Variants in DENND2B observed in about 807,000 individuals in gnomAD.
The protein encoded by DENND2B is DENN domain containing 2B, also known as DENN domain-containing protein 2B.
DENND2B carries 32 observed loss-of-function variants against 116.0 expected under a neutral mutation model. The ratio of observed to expected loss-of-function variants is 0.28; its 90% confidence interval spans 0.21 to 0.37. The LOEUF is 0.37. DENND2B is among the 10% of genes least tolerant of loss of function. The pLI, the probability that DENND2B is intolerant of heterozygous loss-of-function variation, is 1.00. For synonymous variants in DENND2B, 588 were observed against 583.9 expected (o/e 1.01, Z -0.10); for missense variants, 1,276 against 1,477.7 (o/e 0.86, Z 2.24).
chr11:8,775,476 A>G (rs1274990843), intron 1 of DENND2B, among the ~76,000 whole-genome samples: 2 of 152,052 alleles, frequency 1.3e-5, no homozygotes, highest in Non-Finnish European at 2.9e-5. Context: ...TAACCCCTCA[A>G]AGCCACTAAT....
chr11:8,890,650 G>C (rs2064019992), intron 1 of DENND2B, among the ~76,000 whole-genome samples: 1 of 152,124 alleles, frequency 6.6e-6, no homozygotes, highest in Non-Finnish European at 1.5e-5. Context: ...AGTGATTGAA[G>C]ATCAAATTAA....
intron 1 of DENND2B, among the ~76,000 whole-genome samples, chr11:8,897,255 T>TCAAA (rs1047669575): frequency 6.6e-6 from 1 of 152,082 alleles, no homozygotes; most frequent in African/African-American, 2.4e-5. Context: ...CGACACCATC[T>TCAAA]CAAACAAACA....
At chr11:8,763,821 T>C (rs928891955) in intron 1 of DENND2B, among the ~76,000 whole-genome samples, 7 of 152,070 alleles carry the variant, frequency 4.6e-5, no homozygotes, top group Non-Finnish European at 8.8e-5. Flanking sequence ...TGGATACATA[T>C]ATACATTCAT....
At chr11:8,903,148 A>G (rs1382738993) in intron 1 of DENND2B, among the ~76,000 whole-genome samples, 1 of 152,168 alleles carries the variant, frequency 6.6e-6, no homozygotes, top group Non-Finnish European at 1.5e-5. Flanking sequence ...ATGAGCCACC[A>G]CACCTGGCCA....
At chr11:8,814,018 A>G (rs1594070038), upstream of DENND2B, among the ~76,000 whole-genome samples, 3 of 152,158 alleles carry the variant, frequency 2.0e-5, no homozygotes, top group Non-Finnish European at 2.9e-5. Context: ...TCTGCTGTCT[A>G]CTGAGAGGCC....
intron 11 of DENND2B, 93 bp downstream of exon 11, chr11:8,710,752 G>A (rs1234238559): frequency 6.2e-6 from 6 of 970,078 alleles, no homozygotes; most frequent in Non-Finnish European, 8.6e-6. Context: ...ATTGCAGAAG[G>A]GCACACACAC....
intron 1 of DENND2B, among the ~76,000 whole-genome samples, chr11:8,789,002 T>A (rs2134315009): frequency 6.6e-6 from 1 of 152,334 alleles, no homozygotes; most frequent in African/African-American, 2.4e-5. Flanking sequence ...TGTACCTACC[T>A]AAAAAGCTCT....
intron 1 of DENND2B, among the ~76,000 whole-genome samples, chr11:8,752,934 C>G (rs2052804385): frequency 6.6e-6 from 1 of 152,072 alleles, no homozygotes; most frequent in African/African-American, 2.4e-5. Context: ...GATACAAAAT[C>G]AATATTAAAG....
At chr11:8,717,508 T>G (rs1007803339) in intron 5 of DENND2B, among the ~76,000 whole-genome samples, 24 of 152,176 alleles carry the variant, frequency 1.6e-4, no homozygotes, top group Non-Finnish European at 4.4e-5. Flanking sequence ...CAGGTGCCAA[T>G]TGTCCACAGA....
intron 1 of DENND2B, chr11:8,757,106 G>C (rs879412478): frequency 2.0e-4 from 92 of 456,016 alleles, no homozygotes; most frequent in Non-Finnish European, 3.7e-4. Flanking sequence ...GCCCCGAGGG[G>C]CAGTGGAAAA....
In DENND2B at chr11:8,730,026, A is replaced by G. The variant is rs777239099; in HGVS notation, c.1264T>C (p.Leu422=). 5.0e-6 allele frequency: 8 copies of G among 1,613,980 alleles called. No individual in the cohort carries two copies. Among genetic ancestry groups the G allele is most frequent in the East Asian group, 2.2e-5 (1 of 44,896 alleles). ...PSPTPAAPPP[L]PSTPAPPVTR... ...ACTGGCGGGGCTGGGGTGGAGGGCA[A>G]GGGAGGTGGAGCAGCAGGTGTGGGT... Residue 422 remains leucine, a synonymous_variant, in exon 3 of 20, where the codon TTG becomes CTG. Transcript: ENST00000313726. The surrounding 1 kb of genome is among the most constrained non-coding windows in gnomAD (Gnocchi z 4.1).
rs374569253 is a variant in DENND2B at position 8,711,242 on chromosome 11, G to A, written c.2173-11C>T. 17 of 1,612,858 alleles carry A rather than the reference G, an allele frequency of 1.1e-5. No individual in the cohort carries two copies. In the African/African-American group the frequency reaches 1.7e-4, roughly 16 times the overall value. ...GGTGGGTCGGTCCAGCTGCAGGGAAGAAGGAACCAGGAGATGACATGGAAC... is the reference window on the plus strand; with the variant it reads ...GGTGGGTCGGTCCAGCTGCAGGGAAAAAGGAACCAGGAGATGACATGGAAC... On this transcript the variant is annotated splice_polypyrimidine_tract_variant and intron_variant, in intron 9 of 19. Coordinates refer to ENST00000313726, the MANE Select transcript of DENND2B (RefSeq NM_213618.2).
intron 14 of DENND2B, among the ~76,000 whole-genome samples, chr11:8,700,236 G>A (rs924828239): frequency 4.6e-5 from 7 of 152,186 alleles, no homozygotes; most frequent in Non-Finnish European, 7.4e-5. Context: ...ACCATGGCTG[G>A]TACACAGGAG....
At chr11:8,863,346 T>TCCCAGGGTCACACCATTTTCCTGC in intron 2 of DENND2B, among the ~76,000 whole-genome samples, 1 of 81,270 alleles carries the variant, frequency 1.2e-5, no homozygotes, top group Non-Finnish European at 2.5e-5. Flanking sequence ...AAGCTCCACC[T>TCCCAGGGTCACACCATTTTCCTGC]CTCAGCCTCC....
At chr11:8,720,152 T>C (rs1055054614) in intron 4 of DENND2B, among the ~76,000 whole-genome samples, 1 of 152,090 alleles carries the variant, frequency 6.6e-6, no homozygotes, top group African/African-American at 2.4e-5. Context: ...AAGAGTGAAG[T>C]TGTCCCCCAA....
intron 3 of DENND2B, among the ~76,000 whole-genome samples, chr11:8,840,481 T>G (rs2062587329): frequency 6.6e-6 from 1 of 152,098 alleles, no homozygotes; most frequent in African/African-American, 2.4e-5. Context: ...TCGGGCAAGC[T>G]TCCCACACCC....
chr11:8,719,069 C>T, intron 4 of DENND2B: 4 of 985,600 alleles, frequency 4.1e-6, no homozygotes, highest in South Asian at 9.4e-5. Context: ...GAGTCCCACA[C>T]TTGTTCTACA....
intron 1 of DENND2B, among the ~76,000 whole-genome samples, chr11:8,754,029 G>GCGCACACA (rs146486674): frequency 0.053 from 7,382 of 138,756 alleles, 207 homozygotes; most frequent in African/African-American, 0.071. Flanking sequence ...CCAAAAGCGC[G>GCGCACACA]CACACACACA....
chr11:8,817,770 T>C (rs2061620686), intron 4 of DENND2B, among the ~76,000 whole-genome samples: 1 of 152,158 alleles, frequency 6.6e-6, no homozygotes, highest in Non-Finnish European at 1.5e-5. Flanking sequence ...CTTCAGTTTC[T>C]TGGAGTCTCT....
Sources: allele counts gnomAD v4.1 joint callset (sites outside exome capture counted in the v4.1 genomes callset), GRCh38; gene constraint gnomAD v4.1.1; non-coding constraint Gnocchi (gnomAD v3.1); transcripts MANE v1.5; gene names NCBI Gene and HGNC (gene_info 2026-07-23, HGNC 2026-07-21).